Variants in TENM3 observed in about 807,000 individuals in gnomAD.
TENM3 encodes teneurin transmembrane protein 3, also known as teneurin-3.
In TENM3, 63 loss-of-function variants were observed where a neutral mutation model predicts 255.1. That is an observed-to-expected ratio of 0.25 (90% CI 0.20 to 0.30). TENM3 has a LOEUF of 0.30. Among genes scored for constraint, TENM3 ranks in the 10% least tolerant of loss-of-function variants. TENM3 has a pLI of 1.00. For missense variants in TENM3, 2,929 were observed against 3,461.1 expected (o/e 0.85, Z 3.86); for synonymous variants, 1,306 against 1,322.3 (o/e 0.99, Z 0.27).
chr4:181,786,220 C>T, the TENM3 span, among the ~76,000 whole-genome samples: 1 of 152,098 alleles, frequency 6.6e-6, no homozygotes, highest in Non-Finnish European at 1.5e-5. Flanking sequence ...CTCTTTGTAC[C>T]GTTATGTGGT....
chr4:181,638,146 A>G, the TENM3 span, among the ~76,000 whole-genome samples: 727 of 152,362 alleles, frequency 4.8e-3, 10 homozygotes, highest in African/African-American at 0.017. Context: ...TTCAAAATCA[A>G]GACATGGTTA....
chr4:182,511,958 C>T (rs1372300113), intron 3 of TENM3, among the ~76,000 whole-genome samples: 1 of 152,086 alleles, frequency 6.6e-6, no homozygotes, highest in Non-Finnish European at 1.5e-5. Context: ...GAAAATGACA[C>T]TAATTAGATT....
intron 3 of TENM3, among the ~76,000 whole-genome samples, chr4:182,473,533 C>A: frequency 6.6e-6 from 1 of 152,016 alleles, no homozygotes; most frequent in Non-Finnish European, 1.5e-5. Flanking sequence ...ATTAGCCAGG[C>A]GTGGTGGCGG....
the TENM3 span, among the ~76,000 whole-genome samples, chr4:182,056,208 T>G: frequency 1.3e-5 from 2 of 152,142 alleles, no homozygotes; most frequent in African/African-American, 4.8e-5. Context: ...TCTTAATGTG[T>G]AAAACCGACT....
At chr4:181,644,683 C>T in the TENM3 span, among the ~76,000 whole-genome samples, 5 of 151,054 alleles carry the variant, frequency 3.3e-5, no homozygotes, top group Non-Finnish European at 7.4e-5. Flanking sequence ...TGGCTTATTG[C>T]TTTTTTTTGT....
the TENM3 span, among the ~76,000 whole-genome samples, chr4:181,887,142 G>A: frequency 6.6e-6 from 1 of 151,826 alleles, no homozygotes; most frequent in African/African-American, 2.4e-5. Context: ...ATTATAATGG[G>A]CATTAGAAAC....
chr4:181,714,978 C>T, the TENM3 span, among the ~76,000 whole-genome samples: 1 of 152,150 alleles, frequency 6.6e-6, no homozygotes, highest in Admixed American at 6.5e-5. Context: ...AATTGTTTTA[C>T]AGCACTTTGA....
intron 6 of TENM3, among the ~76,000 whole-genome samples, chr4:182,660,792 T>C (rs1374102205): frequency 6.6e-6 from 1 of 152,256 alleles, no homozygotes; most frequent in Non-Finnish European, 1.5e-5. Flanking sequence ...AGCAAGATTC[T>C]GGGAATATAG....
chr4:182,734,462 G>A (rs139108187), intron 16 of TENM3, among the ~76,000 whole-genome samples: 1 of 152,282 alleles, frequency 6.6e-6, no homozygotes, highest in African/African-American at 2.4e-5. Flanking sequence ...AAGCGCAGAA[G>A]ATATTGATAG....
the TENM3 span, among the ~76,000 whole-genome samples, chr4:181,654,711 G>A: frequency 5.1e-5 from 7 of 136,856 alleles, no homozygotes; most frequent in African/African-American, 1.4e-4. Flanking sequence ...CCGAGATCGC[G>A]CCACTGCACT....
At chr4:182,529,759 T>TA (rs34567749) in intron 3 of TENM3, among the ~76,000 whole-genome samples, 6,132 of 152,306 alleles carry the variant, frequency 0.04, 130 homozygotes, top group South Asian at 0.074. Context: ...GTGTTCCGTA[T>TA]ATAAATCCCA....
At chr4:182,388,263 C>G (rs1351054401) in intron 3 of TENM3, among the ~76,000 whole-genome samples, 2 of 152,238 alleles carry the variant, frequency 1.3e-5, no homozygotes, top group African/African-American at 4.8e-5. Flanking sequence ...AGCAGTCCCT[C>G]TCAGTCCTCT....
intron 3 of TENM3, among the ~76,000 whole-genome samples, chr4:182,542,397 G>A (rs1740969810): frequency 6.6e-6 from 1 of 152,096 alleles, no homozygotes; most frequent in African/African-American, 2.4e-5. Flanking sequence ...GAGGTTTTCA[G>A]ACACAGGTAA....
At chr4:181,572,932 T>C in the TENM3 span, among the ~76,000 whole-genome samples, 4 of 152,164 alleles carry the variant, frequency 2.6e-5, no homozygotes, top group African/African-American at 9.6e-5. Context: ...TTCTACTCTC[T>C]ATCCCCATGA....
intron 1 of TENM3, among the ~76,000 whole-genome samples, chr4:182,323,394 GAAGAAAGAGTCTTTGT>G (rs1763178272): frequency 1.4e-5 from 2 of 144,932 alleles, no homozygotes; most frequent in Non-Finnish European, 3.0e-5. Context: ...TGTGCCCTCT[GAAGAAAGAGTCTTTGT>G]AAGATATATT....
At chr4:182,768,589 G>C (rs17074047) in intron 22 of TENM3, among the ~76,000 whole-genome samples, 1 of 151,980 alleles carries the variant, frequency 6.6e-6, no homozygotes, top group East Asian at 1.9e-4. Context: ...AGGAAAAGGA[G>C]AAAGTTAGGA....
chr4:181,667,748 C>T, the TENM3 span, among the ~76,000 whole-genome samples: 1 of 152,094 alleles, frequency 6.6e-6, no homozygotes, highest in South Asian at 2.1e-4. Context: ...ATCACCCAGT[C>T]TTAGGTACTT....
chr4:182,002,138 C>A, the TENM3 span, among the ~76,000 whole-genome samples: 15 of 152,044 alleles, frequency 9.9e-5, no homozygotes, highest in Non-Finnish European at 8.8e-5. Flanking sequence ...TTGAAAGCAA[C>A]CTCAATCCCA....
the TENM3 span, among the ~76,000 whole-genome samples, chr4:181,606,924 C>T: frequency 6.6e-6 from 1 of 152,154 alleles, no homozygotes; most frequent in South Asian, 2.1e-4. Flanking sequence ...ATCAGCTCCA[C>T]TTACACCGCT....
Sources: gnomAD v4.1 joint callset for allele counts (sites outside exome capture counted in the v4.1 genomes callset) on GRCh38, gnomAD v4.1.1 for gene constraint, MANE v1.5 for transcripts, NCBI Gene and HGNC (gene_info 2026-07-23, HGNC 2026-07-21) for gene names.